The following WDR7 variants were observed in gnomAD, a reference collection of about 807,000 sequenced individuals.
The protein encoded by WDR7 is WD repeat domain 7.
In WDR7, 46 loss-of-function variants were observed where a neutral mutation model predicts 169.4. The ratio of observed to expected loss-of-function variants is 0.27; its 90% CI spans 0.21 to 0.35. WDR7 has a LOEUF of 0.35. WDR7 is among the 10% of genes least tolerant of loss of function. WDR7 has a pLI of 1.00. For synonymous variants in WDR7, 612 were observed against 666.8 expected (o/e 0.92, Z 1.27); for missense variants, 1,534 against 1,859.3 (o/e 0.83, Z 3.22).
intron 19 of WDR7, among the ~76,000 whole-genome samples, chr18:56,796,768 G>A (rs1206400615): frequency 6.6e-6 from 1 of 152,092 alleles, no homozygotes; most frequent in African/African-American, 2.4e-5. Context: ...AAATGTGCAA[G>A]TGAATGATGT....
intron 19 of WDR7, among the ~76,000 whole-genome samples, chr18:56,787,650 T>A (rs1220894058): frequency 1.3e-5 from 2 of 152,174 alleles, no homozygotes; most frequent in Non-Finnish European, 2.9e-5. Context: ...CTTTGTTCAA[T>A]GAAAGACACT....
At chr18:56,667,494 T>G (rs2025049142) in intron 1 of WDR7, among the ~76,000 whole-genome samples, 1 of 152,192 alleles carries the variant, frequency 6.6e-6, no homozygotes, top group African/African-American at 2.4e-5. Flanking sequence ...GTGGCCCAAC[T>G]GAAGATCAGT....
At chr18:56,781,366 A>G (rs2044315932) in intron 18 of WDR7, among the ~76,000 whole-genome samples, 167 bp from the exon 19 acceptor site, 1 of 152,216 alleles carries the variant, frequency 6.6e-6, no homozygotes, top group African/African-American at 2.4e-5. Context: ...ATTTGCTAGC[A>G]TCTGATTTTT....
intron 21 of WDR7, among the ~76,000 whole-genome samples, chr18:56,900,431 C>G (rs775012794): frequency 2.6e-5 from 4 of 151,962 alleles, no homozygotes; most frequent in Non-Finnish European, 4.4e-5. Flanking sequence ...ACATCAGTTA[C>G]CTAAACAGTG....
intron 20 of WDR7, among the ~76,000 whole-genome samples, chr18:56,851,190 C>T (rs1011844507): frequency 6.6e-6 from 1 of 152,118 alleles, no homozygotes; most frequent in Non-Finnish European, 1.5e-5. Flanking sequence ...TAAAAATTTT[C>T]TAGGACCTTC....
intron 25 of WDR7, among the ~76,000 whole-genome samples, chr18:56,949,512 T>C (rs1044336653): frequency 6.6e-6 from 1 of 152,248 alleles, no homozygotes; most frequent in Non-Finnish European, 1.5e-5. Context: ...TGCAGTATAT[T>C]GTTTTGGTTG....
Position 56,694,726 on chromosome 18 carries a change from A to T in WDR7, c.1074A>T (p.Ile358=). 1 of 1,613,132 alleles carries T rather than the reference A, an allele frequency of 6.2e-7. No individual in the cohort carries two copies. The stretch of plus-strand genomic sequence containing the variant: ...CTGGAAGGTTGAATATTTGGAACAT[A>T]TCAGACACAGCTGATAAACAGGGAA... The part of the protein sequence containing the change: ...DSSGRLNIWN[I]SDTADKQGSE... The change falls in exon 10 of 28, where the codon ATA becomes ATT. Residue 358 remains isoleucine (I), a synonymous_variant. Transcript: ENST00000254442.
intron 26 of WDR7, among the ~76,000 whole-genome samples, chr18:56,989,372 TA>T (rs2047777079): frequency 6.6e-6 from 1 of 152,278 alleles, no homozygotes; most frequent in South Asian, 2.1e-4. Flanking sequence ...CTTATGGCTT[TA>T]AAAAATGATA....
At chr18:56,986,310 A>G (rs748779126) in intron 26 of WDR7, among the ~76,000 whole-genome samples, 2 of 152,250 alleles carry the variant, frequency 1.3e-5, no homozygotes, top group Non-Finnish European at 2.9e-5. Flanking sequence ...GACCATTTAT[A>G]TCAGTGAATT....
chr18:56,952,721 C>G (rs2047200111), intron 25 of WDR7, among the ~76,000 whole-genome samples: 1 of 152,166 alleles, frequency 6.6e-6, no homozygotes, highest in Non-Finnish European at 1.5e-5. Flanking sequence ...CATATTACCT[C>G]TCTTACATTC....
chr18:56,985,941 G>A (rs2047710645), intron 26 of WDR7, among the ~76,000 whole-genome samples: 1 of 151,956 alleles, frequency 6.6e-6, no homozygotes, highest in Admixed American at 6.6e-5. Flanking sequence ...CTCAAAAAGG[G>A]GCAATTACTC....
At chr18:56,962,626 G>C (rs2047353802) in intron 26 of WDR7, 97 bp downstream of exon 26, 1 of 1,056,066 alleles carries the variant, frequency 9.5e-7, no homozygotes, top group Admixed American at 1.9e-5. Flanking sequence ...TGAGCTGCTG[G>C]AACATTATGG....
chr18:57,026,893 G>A, intron 27 of WDR7, 111 bp from the exon 28 acceptor site: 1 of 1,119,144 alleles, frequency 8.9e-7, no homozygotes, highest in East Asian at 2.4e-5. Context: ...TTAGGTGAAG[G>A]AGAATAACCA....
chr18:57,002,916 G>A (rs1022471810), intron 26 of WDR7, among the ~76,000 whole-genome samples: 1 of 152,144 alleles, frequency 6.6e-6, no homozygotes, highest in Admixed American at 6.6e-5. Context: ...ACTCACTGTT[G>A]TCCTTGAGTG....
chr18:56,751,339 G>A (rs746891490), intron 14 of WDR7, among the ~76,000 whole-genome samples: 1 of 152,150 alleles, frequency 6.6e-6, no homozygotes, highest in Non-Finnish European at 1.5e-5. Flanking sequence ...CTATCTTGAG[G>A]CTACCACTCT....
intron 16 of WDR7, among the ~76,000 whole-genome samples, chr18:56,760,001 C>G (rs1444118654): frequency 6.6e-6 from 1 of 152,088 alleles, no homozygotes; most frequent in Non-Finnish European, 1.5e-5. Flanking sequence ...CATTTCTATC[C>G]ATCATTTCCA....
intron 20 of WDR7, among the ~76,000 whole-genome samples, chr18:56,844,700 A>G (rs1214040): frequency 0.32 from 49,098 of 152,140 alleles, 10,114 homozygotes; most frequent in African/African-American, 0.59. Flanking sequence ...GCTACTGTTC[A>G]CTAGAAATGA....
At chr18:56,789,111 T>C (rs1183492365) in intron 19 of WDR7, among the ~76,000 whole-genome samples, 2 of 152,234 alleles carry the variant, frequency 1.3e-5, no homozygotes, top group African/African-American at 4.8e-5. Flanking sequence ...GTTCTACTTA[T>C]CTATATTTGG....
chr18:56,847,590 G>A (rs2045585755), intron 20 of WDR7, among the ~76,000 whole-genome samples: 1 of 152,142 alleles, frequency 6.6e-6, no homozygotes, highest in African/African-American at 2.4e-5. Context: ...CATTTCAGAA[G>A]TCTTCAAGGC....
Sources: allele counts gnomAD v4.1 joint callset (sites outside exome capture counted in the v4.1 genomes callset), GRCh38; gene constraint gnomAD v4.1.1; transcripts MANE v1.5; gene names NCBI Gene and HGNC (gene_info 2026-07-23, HGNC 2026-07-21).